The following SLC25A20 variants were observed in gnomAD, a reference collection of about 807,000 sequenced individuals.
The protein encoded by SLC25A20 is mitochondrial carnitine/acylcarnitine carrier protein.
A neutral mutation model predicts 39.7 loss-of-function variants in SLC25A20; 29 were observed. The ratio of observed to expected loss-of-function variants is 0.73; its 90% CI spans 0.54 to 1.00. The LOEUF (loss-of-function observed/expected upper bound fraction) is 1.00, where lower values mean the gene tolerates loss of function less well. Ranked by LOEUF, SLC25A20 falls within the 50% of genes least tolerant of loss-of-function variation. The pLI, the probability that SLC25A20 is intolerant of heterozygous loss-of-function variation, is 0.00. For synonymous variants in SLC25A20, 103 were observed against 142.2 expected, an observed-to-expected ratio of 0.72 and a Z score of 1.96; for missense variants, 333 against 379.9, an observed-to-expected ratio of 0.88 and a Z score of 1.03.
chr3:48,858,697 G>A (rs1575977723), intron 7 of SLC25A20, 66 bp from the exon 8 acceptor site: 4 of 1,603,252 alleles, frequency 2.5e-6, no homozygotes, highest in East Asian at 2.2e-5. Flanking sequence ...TCTTCCTGAA[G>A]GGTCAGGACT....
chr3:48,859,065 C>G, intron 7 of SLC25A20, 27 bp downstream of exon 7: 2 of 1,587,684 alleles, frequency 1.3e-6, no homozygotes, highest in Non-Finnish European at 1.7e-6. Flanking sequence ...CACTCTCCCC[C>G]TGTCCACCCC....
intron 1 of SLC25A20, chr3:48,895,894 C>T: frequency 4.7e-6 from 2 of 421,328 alleles, no homozygotes; most frequent in Middle Eastern, 3.5e-4. Flanking sequence ...AATCCCAGCA[C>T]TTCAGGAGGC....
chr3:48,857,413 T>C lies in SLC25A20; in HGVS notation c.*297A>G. The C allele has an allele frequency of 2.4e-6, 1 of 418,808 alleles. No individual in the cohort carries two copies. The highest frequency in any genetic ancestry group is 2.3e-5 in the South Asian group (1 of 43,918). 25.9% of individuals were successfully genotyped at this position (418,808 alleles called of 1,614,324 possible). ...GACTGTGGTAGGACCAGCAGTTAAC[T>C]GGTAGGCAGCATTCTTGCCACAGGT... On this transcript the variant is annotated 3_prime_UTR_variant, in exon 9 of 9. Transcript: ENST00000319017.
chr3:48,879,482 T>C, intron 3 of SLC25A20, 34 bp from the exon 4 acceptor site: 1 of 1,451,710 alleles, frequency 6.9e-7, no homozygotes, highest in Non-Finnish European at 9.7e-7. Context: ...AGCAAGCACC[T>C]GTGACTAACC....
intron 1 of SLC25A20, among the ~76,000 whole-genome samples, chr3:48,892,452 C>G (rs1364987729): frequency 1.3e-5 from 2 of 152,066 alleles, no homozygotes; most frequent in Admixed American, 6.6e-5. Context: ...TCCAGAGAAA[C>G]AGAACCAACA....
At chr3:48,864,688 G>A (rs1198169496) in intron 4 of SLC25A20, among the ~76,000 whole-genome samples, 1 of 151,900 alleles carries the variant, frequency 6.6e-6, no homozygotes, top group African/African-American at 2.4e-5. Flanking sequence ...GGGGGGCCGT[G>A]GAGGATTGGG....
chr3:48,893,744 G>GAT (rs2083893355), intron 1 of SLC25A20, among the ~76,000 whole-genome samples: 1 of 148,324 alleles, frequency 6.7e-6, no homozygotes, highest in Non-Finnish European at 1.5e-5. Flanking sequence ...TGCCCAGGCT[G>GAT]ATCTGGAACT....
chr3:48,884,021 T>TGTTGTA lies in SLC25A20; in HGVS notation c.296_301dup (p.Leu99_Gln100dup). The TGTTGTA allele has an allele frequency of 1.2e-6, 2 of 1,613,916 alleles. No individual in the cohort carries two copies. Among genetic ancestry groups the TGTTGTA allele is most frequent in the Non-Finnish European group, 1.7e-6 (2 of 1,179,858 alleles). On this transcript the variant is annotated inframe_insertion, in exon 3 of 9. Coordinates refer to ENST00000319017, the MANE Select transcript of SLC25A20 (RefSeq NM_000387.6). ...CCTGAGCACATCTTCTGGGTGTTTC[T>TGTTGTA]GTTGTAGTTTCTTCCCCAAACCAAA...
intron 4 of SLC25A20, among the ~76,000 whole-genome samples, chr3:48,876,003 A>G (rs914345262): frequency 1.3e-5 from 2 of 152,146 alleles, no homozygotes; most frequent in Non-Finnish European, 2.9e-5. Context: ...GGTGACAGAC[A>G]GCCAGACCCT....
intron 4 of SLC25A20, among the ~76,000 whole-genome samples, chr3:48,865,132 T>G (rs1436034779): frequency 1.2e-5 from 1 of 82,786 alleles, no homozygotes; most frequent in East Asian, 1.7e-3. Flanking sequence ...GTTGGAGATA[T>G]AATTTTTTTT....
Position 48,879,402 on chromosome 3 carries a change from T to A in SLC25A20, c.373A>T (p.Thr125Ser), listed in dbSNP as rs777628898. ...AAGMLSGVFTTGIMTPGERIK... is the reference protein window; with the variant it reads ...AAGMLSGVFTSGIMTPGERIK... Reference sequence around the variant, plus strand: ...CGTTCTCCAGGAGTCATGATTCCTGTGGTGAATACGCCAGATAACATCCCA... The same window carrying A: ...CGTTCTCCAGGAGTCATGATTCCTGAGGTGAATACGCCAGATAACATCCCA... The change falls in exon 4 of 9, where the codon ACA becomes TCA. Residue 125 changes from threonine to serine, a missense_variant. Physicochemically the swap from Thr to Ser is moderately conservative, Grantham distance 58. Coordinates refer to ENST00000319017, the MANE Select transcript of SLC25A20 (RefSeq NM_000387.6). 10 of 1,613,878 alleles carry A rather than the reference T, an allele frequency of 6.2e-6. No homozygotes were observed. Among genetic ancestry groups the A allele is most frequent in the Admixed American group, 5.0e-5 (3 of 59,956 alleles).
intron 4 of SLC25A20, among the ~76,000 whole-genome samples, chr3:48,869,336 A>C (rs910446883): frequency 1.3e-5 from 2 of 152,176 alleles, no homozygotes; most frequent in Non-Finnish European, 1.5e-5. Context: ...TTCAATGAGC[A>C]ATTATGAACA....
At chr3:48,865,594 C>G (rs941248472) in intron 4 of SLC25A20, among the ~76,000 whole-genome samples, 1 of 101,182 alleles carries the variant, frequency 9.9e-6, no homozygotes, top group East Asian at 2.8e-4. Context: ...AACCCTGTTT[C>G]TAAAAAAAAA....
At chr3:48,884,240 AAGG>A (rs1252600100) in intron 2 of SLC25A20, 116 bp from the exon 3 acceptor site, 28 of 1,316,778 alleles carry the variant, frequency 2.1e-5, no homozygotes, top group Non-Finnish European at 2.8e-5. Flanking sequence ...TTCTTGAAGC[AAGG>A]AGAACTTTAA....
chr3:48,865,640 G>A (rs2083661593), intron 4 of SLC25A20, among the ~76,000 whole-genome samples: 2 of 149,004 alleles, frequency 1.3e-5, no homozygotes, highest in Non-Finnish European at 3.0e-5. Flanking sequence ...AGCTGGGTGT[G>A]TGCCTGTAGT....
intron 1 of SLC25A20, among the ~76,000 whole-genome samples, chr3:48,893,852 G>GAAAAA (rs978467478): frequency 1.4e-5 from 1 of 69,106 alleles, no homozygotes. Context: ...CTTTAAAAAA[G>GAAAAA]AAAAAAAAAA....
At chr3:48,886,520 T>C (rs1211972844) in intron 2 of SLC25A20, among the ~76,000 whole-genome samples, 1 of 151,552 alleles carries the variant, frequency 6.6e-6, no homozygotes, top group African/African-American at 2.4e-5. Flanking sequence ...TAAAACTCCG[T>C]CTCAAACAAA....
At chr3:48,896,021 T>A (rs2083907491) in intron 1 of SLC25A20, among the ~76,000 whole-genome samples, 1 of 151,144 alleles carries the variant, frequency 6.6e-6, no homozygotes, top group Non-Finnish European at 1.5e-5. Context: ...GCACCTATAA[T>A]CCCAGCTACT....
chr3:48,879,283 T>C, intron 4 of SLC25A20, 75 bp downstream of exon 4: 1 of 1,118,086 alleles, frequency 8.9e-7, no homozygotes, highest in South Asian at 1.2e-5. Flanking sequence ...TTATTAAGGG[T>C]GAAAGGACAT....
Sources: allele counts gnomAD v4.1 joint callset (sites outside exome capture counted in the v4.1 genomes callset), GRCh38; gene constraint gnomAD v4.1.1; transcripts MANE v1.5; gene names NCBI Gene and HGNC (gene_info 2026-07-23, HGNC 2026-07-21).